Variants in SPAG16 observed in about 807,000 individuals in gnomAD.
SPAG16 encodes sperm associated antigen 16.
A neutral mutation model predicts 80.4 loss-of-function variants in SPAG16; 86 were observed. That is an observed-to-expected ratio of 1.07 (90% CI 0.90 to 1.28). The LOEUF is 1.28. Among genes scored for constraint, SPAG16 ranks in the 50% most tolerant of loss-of-function variants. The pLI is 0.00. For missense variants in SPAG16, 870 were observed against 765.3 expected, an observed-to-expected ratio of 1.14 and a Z score of -1.61; for synonymous variants, 294 against 265.9, an observed-to-expected ratio of 1.11 and a Z score of -1.03.
chr2:214,273,881 C>T (rs10210945), intron 15 of SPAG16, among the ~76,000 whole-genome samples: 94,504 of 152,020 alleles, frequency 0.62, 29,776 homozygotes, highest in South Asian at 0.71. Context: ...GTAAGTTACC[C>T]TGTGCAGTAT....
chr2:213,788,334 T>C (rs1034754660), intron 10 of SPAG16, among the ~76,000 whole-genome samples: 2 of 151,938 alleles, frequency 1.3e-5, no homozygotes, highest in African/African-American at 4.8e-5. Flanking sequence ...ATCACATTTA[T>C]ACAAATCTCA....
At chr2:214,043,840 G>A (rs2049166320) in intron 13 of SPAG16, among the ~76,000 whole-genome samples, 1 of 151,848 alleles carries the variant, frequency 6.6e-6, no homozygotes, top group Non-Finnish European at 1.5e-5. Context: ...TACTATATAT[G>A]TTTATATATT....
chr2:213,925,810 A>AAT (rs2078444889), intron 11 of SPAG16, among the ~76,000 whole-genome samples: 1 of 152,228 alleles, frequency 6.6e-6, no homozygotes, highest in Admixed American at 6.5e-5. Flanking sequence ...GTGAAGATCA[A>AAT]ATATATATAA....
chr2:213,899,855 A>G (rs558333333), intron 11 of SPAG16, among the ~76,000 whole-genome samples: 157 of 152,226 alleles, frequency 1.0e-3, no homozygotes, highest in Admixed American at 1.8e-3. Context: ...AATGTTATCT[A>G]GAGAATAATT....
At chr2:214,045,810 C>T (rs1575960984) in intron 13 of SPAG16, among the ~76,000 whole-genome samples, 1 of 151,866 alleles carries the variant, frequency 6.6e-6, no homozygotes, top group East Asian at 1.9e-4. Context: ...ATTAGAAAAG[C>T]AAGAGCAAAC....
chr2:213,780,717 T>G (rs1243708580), intron 10 of SPAG16, among the ~76,000 whole-genome samples: 2 of 152,160 alleles, frequency 1.3e-5, no homozygotes, highest in Non-Finnish European at 2.9e-5. Context: ...CTATTACCTT[T>G]GTTTCCTTCT....
Position 214,149,193 on chromosome 2 carries a change from T to A in SPAG16, c.1647T>A (p.Phe549Leu). 1 of 1,598,668 alleles carries A rather than the reference T, an allele frequency of 6.3e-7. No individual in the cohort carries two copies. Among genetic ancestry groups the A allele is most frequent in the Non-Finnish European group, 8.5e-7 (1 of 1,172,248 alleles). ...DACGVTKLWD[F>L]RKLLPIVSID... ...GTGGGGTTACAAAGCTGTGGGACTT[T>A]CGGAAGCTGTTACCAATTGTGTCCA... Residue 549 changes from phenylalanine to leucine, a missense_variant, in exon 15 of 16, where the codon TTT becomes TTA. Physicochemically the swap from Phe to Leu is conservative, Grantham distance 22. Transcript: ENST00000331683.
intron 11 of SPAG16, among the ~76,000 whole-genome samples, chr2:213,878,336 A>C (rs1470289194): frequency 6.6e-6 from 1 of 152,024 alleles, no homozygotes. Context: ...ATCATTGCCA[A>C]TATTTATTTT....
intron 10 of SPAG16, among the ~76,000 whole-genome samples, chr2:213,580,003 G>T (rs552049639): frequency 1.3e-5 from 2 of 152,152 alleles, no homozygotes; most frequent in South Asian, 2.1e-4. Context: ...ATGGCACCTT[G>T]CCATTTGAGA....
At chr2:213,296,486 A>G (rs555885380) in intron 2 of SPAG16, among the ~76,000 whole-genome samples, 1 of 152,312 alleles carries the variant, frequency 6.6e-6, no homozygotes, top group Non-Finnish European at 1.5e-5. Flanking sequence ...CGGAGGCCTT[A>G]TGCATCCTTC....
At chr2:213,316,924 A>T (rs1053971449) in intron 4 of SPAG16, among the ~76,000 whole-genome samples, 3 of 152,044 alleles carry the variant, frequency 2.0e-5, no homozygotes, top group Admixed American at 6.6e-5. Context: ...TAGAATGGAA[A>T]CTCCATGAAA....
intron 11 of SPAG16, among the ~76,000 whole-genome samples, chr2:213,872,236 A>G (rs1197477750): frequency 2.0e-5 from 3 of 152,144 alleles, no homozygotes; most frequent in African/African-American, 7.2e-5. Flanking sequence ...TCTCCCCTAG[A>G]GAGACAAGAG....
At chr2:214,345,471 C>T (rs1362028255) in intron 15 of SPAG16, among the ~76,000 whole-genome samples, 1 of 152,080 alleles carries the variant, frequency 6.6e-6, no homozygotes, top group African/African-American at 2.4e-5. Context: ...CTTGCCTAAA[C>T]AAAATTTTCT....
intron 9 of SPAG16, among the ~76,000 whole-genome samples, chr2:213,438,336 T>G (rs1296098273): frequency 6.6e-6 from 1 of 152,218 alleles, no homozygotes; most frequent in Non-Finnish European, 1.5e-5. Flanking sequence ...TGGGGAGTAT[T>G]CTGATAGGCC....
At chr2:214,281,904 A>G (rs2125915064) in intron 15 of SPAG16, among the ~76,000 whole-genome samples, 1 of 152,338 alleles carries the variant, frequency 6.6e-6, no homozygotes, top group South Asian at 2.1e-4. Context: ...AGCTAGTCAA[A>G]AAACAGTATA....
At chr2:213,425,173 A>C in intron 9 of SPAG16, among the ~76,000 whole-genome samples, 1 of 151,894 alleles carries the variant, frequency 6.6e-6, no homozygotes, top group East Asian at 1.9e-4. Context: ...AATACAAAAA[A>C]TTAGCCAGGC....
chr2:214,170,300 G>T (rs1225628486), intron 15 of SPAG16, among the ~76,000 whole-genome samples: 1 of 150,826 alleles, frequency 6.6e-6, no homozygotes, highest in Non-Finnish European at 1.5e-5. Flanking sequence ...ACACATATAA[G>T]ATATAAATTA....
At chr2:213,546,066 T>A (rs1209415104) in intron 10 of SPAG16, among the ~76,000 whole-genome samples, 1 of 152,134 alleles carries the variant, frequency 6.6e-6, no homozygotes, top group East Asian at 1.9e-4. Flanking sequence ...GTTGAATTTT[T>A]AAAAATAATA....
chr2:213,533,509 T>C (rs1231548088), intron 10 of SPAG16, among the ~76,000 whole-genome samples: 1 of 152,166 alleles, frequency 6.6e-6, no homozygotes. Flanking sequence ...CCCTGCAACA[T>C]TTGACATCCT....
Sources: gnomAD v4.1 joint callset for allele counts (sites outside exome capture counted in the v4.1 genomes callset) on GRCh38, gnomAD v4.1.1 for gene constraint, MANE v1.5 for transcripts, NCBI Gene and HGNC (gene_info 2026-07-23, HGNC 2026-07-21) for gene names.